Variants in NTM observed in about 807,000 individuals in gnomAD.
NTM encodes neurotrimin.
Under a neutral mutation model 42.1 loss-of-function variants are expected in NTM, and 13 were observed. The observed-to-expected ratio is 0.31, with a 90% confidence interval of 0.20 to 0.49. NTM has a LOEUF of 0.49. Among genes scored for constraint, NTM ranks in the 20% least tolerant of loss-of-function variants. The probability of loss-of-function intolerance (pLI) is 0.99; values close to 1 mark genes in which losing one functional copy is unlikely to be tolerated. For missense variants in NTM, 373 were observed against 452.8 expected, an observed-to-expected ratio of 0.82 and a Z score of 1.60; for synonymous variants, 187 against 179.2, an observed-to-expected ratio of 1.04 and a Z score of -0.35.
At chr11:131,652,513 T>C (rs80180889) in intron 1 of NTM, among the ~76,000 whole-genome samples, 2,179 of 152,290 alleles carry the variant, frequency 0.014, 54 homozygotes, top group African/African-American at 0.049. Flanking sequence ...CCTGACATGC[T>C]CAACTCACTC....
At position 131,789,457 on chromosome 11, in the gene NTM, GAA is replaced by G. The variant is rs1419849544; in HGVS notation, c.83-122106_83-122105del. Among the ~76,000 whole-genome samples the G allele has an allele frequency of 1.1e-3, 14 of 12,870 alleles. 4 individuals carry two copies. Among genetic ancestry groups the G allele is most frequent in the Non-Finnish European group, 1.7e-3 (11 of 6,512 alleles). The allele number at this position is 12,870 out of a possible 152,430, so 8.4% of individuals were successfully genotyped here. A position where few individuals can be genotyped will look rare whatever the true frequency, so the allele number is the denominator to read the frequency against. Reference sequence around the variant, plus strand: ...AGAAGAAGAAGAAGAAGAAGAAGAAGAAGAAGAAGAAGAAGAAGAAGAAGAAG... The same window carrying G: ...AGAAGAAGAAGAAGAAGAAGAAGAAGGAAGAAGAAGAAGAAGAAGAAGAAG... On this transcript the variant is annotated intron_variant, in intron 1 of 8. Transcript: ENST00000683400.
At chr11:131,829,269 G>A (rs541292990) in intron 1 of NTM, among the ~76,000 whole-genome samples, 1 of 152,148 alleles carries the variant, frequency 6.6e-6, no homozygotes, top group East Asian at 1.9e-4. Flanking sequence ...TGAGGTTTGG[G>A]GAACAATTGA....
chr11:131,520,073 AGGT>A (rs2049415318), intron 1 of NTM, among the ~76,000 whole-genome samples: 1 of 152,232 alleles, frequency 6.6e-6, no homozygotes, highest in South Asian at 2.1e-4. Context: ...AGTACCTAAA[AGGT>A]GGTGAATAGA....
chr11:131,864,879 C>G (rs2046979425), intron 1 of NTM, among the ~76,000 whole-genome samples: 2 of 152,164 alleles, frequency 1.3e-5, no homozygotes, highest in South Asian at 4.1e-4. Context: ...GATTCTTTCC[C>G]AGTTCTGCCC....
intron 1 of NTM, among the ~76,000 whole-genome samples, chr11:131,538,921 C>CTTTTTTTTTT (rs58463755): frequency 9.8e-6 from 1 of 102,428 alleles, no homozygotes. Flanking sequence ...GTTAACTTAG[C>CTTTTTTTTTT]TTTTTTTTTT....
chr11:132,260,562 T>G lies in NTM; in HGVS notation c.527-47127T>G, dbSNP rs961263283. Reference sequence around the variant, plus strand: ...ATTAAAAAGTCCACAAAAAAATTATTAATATGGCACTCAGTGTTAAGCTGA... The same window carrying G: ...ATTAAAAAGTCCACAAAAAAATTATGAATATGGCACTCAGTGTTAAGCTGA... On this transcript the variant is annotated intron_variant, in intron 4 of 8. Transcript: ENST00000683400. Among the ~76,000 whole-genome samples, 20 of 152,350 alleles carry G rather than the reference T, an allele frequency of 1.3e-4. No individual in the cohort carries two copies. The South Asian group carries it at 1.9e-3, about 14-fold the overall frequency.
At chr11:131,528,434 C>A (rs1159352204) in intron 1 of NTM, among the ~76,000 whole-genome samples, 2 of 152,178 alleles carry the variant, frequency 1.3e-5, no homozygotes, top group African/African-American at 2.4e-5. Context: ...TTCTTATCTG[C>A]ATTTTATAAT....
chr11:132,213,985 C>CAGTTGTGTGT (rs2083360416), intron 4 of NTM, among the ~76,000 whole-genome samples: 1 of 61,546 alleles, frequency 1.6e-5, no homozygotes, highest in Non-Finnish European at 4.4e-5. Flanking sequence ...CCGCCCGCCT[C>CAGTTGTGTGT]GGCCTCCCAA....
At chr11:132,011,598 T>C (rs565446511) in intron 2 of NTM, among the ~76,000 whole-genome samples, 1 of 152,328 alleles carries the variant, frequency 6.6e-6, no homozygotes, top group African/African-American at 2.4e-5. Flanking sequence ...TTTACAAGCA[T>C]TATCCAAATT....
intron 1 of NTM, among the ~76,000 whole-genome samples, chr11:131,805,428 ATG>A (rs1257198484): frequency 2.0e-5 from 3 of 152,080 alleles, no homozygotes; most frequent in Non-Finnish European, 4.4e-5. Context: ...TGCATGTGTG[ATG>A]TGTGTGTGTA....
rs568151549 is a variant in NTM at position 131,540,974 on chromosome 11, C to T, written c.82+170086C>T. 3.9e-5 allele frequency: 6 copies of T among 152,252 alleles called. No individual in the cohort carries two copies. The East Asian group carries it at 7.7e-4, about 20-fold the overall frequency. 9.4% of individuals were successfully genotyped at this position (152,252 alleles called of 1,614,324 possible). ...TGAGTCAATTCATACTTCTGTAGTTCGTTAGTGGCACGAGAGGAAATTGCA... is the reference window on the plus strand; with the variant it reads ...TGAGTCAATTCATACTTCTGTAGTTTGTTAGTGGCACGAGAGGAAATTGCA... On this transcript the variant is annotated intron_variant, in intron 1 of 8. Transcript: ENST00000683400.
chr11:131,537,039 C>T (rs781229449), intron 1 of NTM: 4 of 152,122 alleles, frequency 2.6e-5, no homozygotes, highest in African/African-American at 4.8e-5. Flanking sequence ...TAAACATCAC[C>T]GACCTGGGGG....
At chr11:132,161,905 C>A (rs1197704735) in intron 3 of NTM, among the ~76,000 whole-genome samples, 1 of 152,178 alleles carries the variant, frequency 6.6e-6, no homozygotes, top group African/African-American at 2.4e-5. Flanking sequence ...TTTTTCATTT[C>A]ACTTAATAAG....
intron 2 of NTM, among the ~76,000 whole-genome samples, chr11:131,919,647 C>T (rs763227432): frequency 7.9e-5 from 12 of 152,010 alleles, no homozygotes; most frequent in East Asian, 1.9e-4. Context: ...TAAACAGGAC[C>T]GTTATTACCC....
At chr11:131,709,021 T>G (rs1324272912) in intron 1 of NTM, among the ~76,000 whole-genome samples, 1 of 152,096 alleles carries the variant, frequency 6.6e-6, no homozygotes, top group Non-Finnish European at 1.5e-5. Context: ...GAGCAAGTTC[T>G]GTGGGGAGAG....
intron 1 of NTM, among the ~76,000 whole-genome samples, chr11:131,713,838 G>A (rs545725013): frequency 6.6e-6 from 1 of 152,288 alleles, no homozygotes; most frequent in Non-Finnish European, 1.5e-5. Flanking sequence ...TTATTAAAAA[G>A]TTTTAGAGCA....
At chr11:132,093,235 C>A (rs1369070378) in intron 2 of NTM, among the ~76,000 whole-genome samples, 1 of 152,152 alleles carries the variant, frequency 6.6e-6, no homozygotes, top group Admixed American at 6.5e-5. Flanking sequence ...TCAACTCTGG[C>A]AATACAGACT....
intron 1 of NTM, chr11:131,795,303 G>C (rs1026355646): frequency 4.4e-6 from 3 of 683,140 alleles, no homozygotes; most frequent in African/African-American, 3.9e-5. Flanking sequence ...TTTAATGAGA[G>C]AATGCAGTGC....
intron 1 of NTM, among the ~76,000 whole-genome samples, chr11:131,752,076 T>A (rs2082628009): frequency 6.6e-6 from 1 of 152,152 alleles, no homozygotes; most frequent in African/African-American, 2.4e-5. Context: ...TGCACACCTA[T>A]GATAATGGCT....
Sources: gnomAD v4.1 joint callset for allele counts (sites outside exome capture counted in the v4.1 genomes callset) on GRCh38, gnomAD v4.1.1 for gene constraint, MANE v1.5 for transcripts, NCBI Gene and HGNC (gene_info 2026-07-23, HGNC 2026-07-21) for gene names.